DNAH11: variants seen among roughly 807,000 people sequenced by gnomAD.
DNAH11 encodes the protein axonemal beta dynein heavy chain 11.
In DNAH11, 442 loss-of-function variants were observed where a neutral mutation model predicts 526.0. That is an observed-to-expected ratio of 0.84 (90% CI 0.78 to 0.91). The LOEUF is 0.91. DNAH11 is among the 40% of genes least tolerant of loss of function. The pLI is 0.00. For missense variants in DNAH11, 6,989 were observed against 5,448.7 expected (o/e 1.28, Z -8.90); for synonymous variants, 2,461 against 1,935.9 (o/e 1.27, Z -7.12).
At chr7:21,590,701 A>G (rs1458587516) in intron 12 of DNAH11, among the ~76,000 whole-genome samples, 1 of 152,128 alleles carries the variant, frequency 6.6e-6, no homozygotes, top group Non-Finnish European at 1.5e-5. Flanking sequence ...ATAGAAACTA[A>G]TTTCTTGAGA....
intron 43 of DNAH11, among the ~76,000 whole-genome samples, chr7:21,718,363 A>G (rs1784749581): frequency 6.6e-6 from 1 of 152,180 alleles, no homozygotes; most frequent in African/African-American, 2.4e-5. Flanking sequence ...GGTGCTCAGT[A>G]TGTTTTCTAA....
chr7:21,649,226 G>A (rs995488738), intron 28 of DNAH11, among the ~76,000 whole-genome samples: 7 of 152,138 alleles, frequency 4.6e-5, no homozygotes, highest in African/African-American at 1.7e-4. Flanking sequence ...TGGGAAAACT[G>A]TTTAACAGCA....
chr7:21,827,759 A>G (rs1258926561), intron 65 of DNAH11, among the ~76,000 whole-genome samples: 2 of 152,078 alleles, frequency 1.3e-5, no homozygotes, highest in Non-Finnish European at 2.9e-5. Flanking sequence ...GCTTTCAGTT[A>G]GCAGCTTTCC....
intron 42 of DNAH11, among the ~76,000 whole-genome samples, chr7:21,713,617 C>G (rs1250186102): frequency 6.6e-6 from 1 of 152,154 alleles, no homozygotes; most frequent in Non-Finnish European, 1.5e-5. Flanking sequence ...GCCCACACTT[C>G]TGTGACTAGT....
At chr7:21,823,274 C>T (rs998305726) in intron 65 of DNAH11, among the ~76,000 whole-genome samples, 2 of 151,972 alleles carry the variant, frequency 1.3e-5, no homozygotes, top group African/African-American at 4.8e-5. Context: ...TCTAACTCTT[C>T]CCCCCTCGGT....
At chr7:21,829,115 A>T (rs886098636) in intron 65 of DNAH11, among the ~76,000 whole-genome samples, 2 of 152,092 alleles carry the variant, frequency 1.3e-5, no homozygotes, top group Non-Finnish European at 2.9e-5. Flanking sequence ...TCTTGACTGT[A>T]GCTGTTGGAA....
intron 25 of DNAH11, among the ~76,000 whole-genome samples, chr7:21,623,886 A>G (rs892128703): frequency 6.6e-6 from 1 of 151,944 alleles, no homozygotes; most frequent in Non-Finnish European, 1.5e-5. Context: ...TAATGGGTGC[A>G]GCACACCAGC....
intron 65 of DNAH11, among the ~76,000 whole-genome samples, chr7:21,841,930 A>T (rs10274154): frequency 1.3e-5 from 2 of 152,026 alleles, no homozygotes; most frequent in African/African-American, 2.4e-5. Flanking sequence ...TTATTTCTCA[A>T]TTTAACCTGC....
At chr7:21,546,603 A>T (rs190235350) in intron 2 of DNAH11, among the ~76,000 whole-genome samples, 51 of 152,332 alleles carry the variant, frequency 3.3e-4, no homozygotes, top group Non-Finnish European at 5.4e-4. Context: ...TGAAAAAGGT[A>T]TGCCTGCTCC....
At chr7:21,824,117 G>C (rs1316327392) in intron 65 of DNAH11, among the ~76,000 whole-genome samples, 2 of 152,186 alleles carry the variant, frequency 1.3e-5, no homozygotes, top group African/African-American at 2.4e-5. Flanking sequence ...TTGGCACTGA[G>C]AAGAGGCAGA....
At chr7:21,581,810 CGAGA>C in intron 8 of DNAH11, 91 bp from the exon 9 acceptor site, 1 of 742,348 alleles carries the variant, frequency 1.3e-6, no homozygotes, top group Non-Finnish European at 2.3e-6. Context: ...AGAGAGCGAG[CGAGA>C]GAGAGCTAAA....
intron 57 of DNAH11, among the ~76,000 whole-genome samples, chr7:21,782,433 G>A (rs894151777): frequency 5.9e-5 from 9 of 152,164 alleles, no homozygotes; most frequent in Admixed American, 3.9e-4. Flanking sequence ...TAGTATTGTC[G>A]CACCTTAGGG....
At chr7:21,755,324 AT>A (rs1786581041) in intron 54 of DNAH11, among the ~76,000 whole-genome samples, 1 of 152,156 alleles carries the variant, frequency 6.6e-6, no homozygotes, top group Non-Finnish European at 1.5e-5. Context: ...CACAGTTCTC[AT>A]CTTGCAGCTC....
intron 65 of DNAH11, among the ~76,000 whole-genome samples, chr7:21,827,203 A>G (rs1790338524): frequency 6.6e-6 from 1 of 152,224 alleles, no homozygotes; most frequent in South Asian, 2.1e-4. Flanking sequence ...ACAGCTGGGT[A>G]ATTACAAATA....
At chr7:21,794,078 G>A (rs550071526) in intron 61 of DNAH11, among the ~76,000 whole-genome samples, 17 of 152,150 alleles carry the variant, frequency 1.1e-4, no homozygotes, top group South Asian at 1.0e-3. Context: ...TTCAGCAAAC[G>A]TATTTCTCAG....
intron 65 of DNAH11, among the ~76,000 whole-genome samples, chr7:21,834,857 CA>C (rs1400752795): frequency 6.6e-6 from 1 of 151,590 alleles, no homozygotes; most frequent in African/African-American, 2.4e-5. Flanking sequence ...GATGCTGTCC[CA>C]AAAAAACAAA....
At chr7:21,816,385 A>T in intron 63 of DNAH11, 82 bp from the exon 64 acceptor site, 1 of 1,163,412 alleles carries the variant, frequency 8.6e-7, no homozygotes, top group Non-Finnish European at 1.2e-6. Flanking sequence ...TTACTTTCTC[A>T]TGACTTTGTT....
chr7:21,780,211 G>C (rs1391727490), intron 57 of DNAH11, among the ~76,000 whole-genome samples: 1 of 152,134 alleles, frequency 6.6e-6, no homozygotes, highest in African/African-American at 2.4e-5. Flanking sequence ...AATTTGGGTT[G>C]TAAATGTTTC....
chr7:21,597,402 A>G lies in DNAH11; in HGVS notation c.2668-2385A>G, dbSNP rs187672362. On this transcript the variant is annotated intron_variant, in intron 14 of 81. Coordinates refer to ENST00000409508, the MANE Select transcript of DNAH11 (RefSeq NM_001277115.2). ...GTATTAGGTCTTTGTTTTCATGTCT[A>G]TGTTAGTATGTTTTCACACTGCTTT... Among the ~76,000 whole-genome samples, 451 of 152,206 alleles carry G rather than the reference A, an allele frequency of 3.0e-3. 2 individuals are homozygous for G. Among genetic ancestry groups the G allele is most frequent in the African/African-American group, 9.5e-3 (393 of 41,534 alleles).
Sources: gnomAD v4.1 joint callset for allele counts (sites outside exome capture counted in the v4.1 genomes callset) on GRCh38, gnomAD v4.1.1 for gene constraint, MANE v1.5 for transcripts, NCBI Gene and HGNC (gene_info 2026-07-23, HGNC 2026-07-21) for gene names.